MBP: variants seen among roughly 807,000 people sequenced by gnomAD.
The protein encoded by MBP is myelin basic protein.
MBP carries 16 observed loss-of-function variants against 35.8 expected under a neutral mutation model. That is an observed-to-expected ratio of 0.45 (90% CI 0.30 to 0.68). The LOEUF (loss-of-function observed/expected upper bound fraction) is 0.68, where lower values mean the gene tolerates loss of function less well. Among genes scored for constraint, MBP ranks in the 30% least tolerant of loss-of-function variants. MBP has a pLI of 0.08. For synonymous variants in MBP, 143 were observed against 159.6 expected (o/e 0.90, Z 0.78); for missense variants, 380 against 404.7 (o/e 0.94, Z 0.52).
In MBP at chr18:77,121,841, A is replaced by G. The variant is rs1049574628; in HGVS notation, c.-26+10739T>C. 3.3e-5 allele frequency among the ~76,000 whole-genome samples: 5 copies of G among 152,314 alleles called. No individual in the cohort carries two copies. In the East Asian group the frequency reaches 9.6e-4, roughly 29 times the overall value. ...TCTCAAGCTGTCCCAAGGTTATTACATTTTCAGATAGCCGAAAGAACAGGA... is the reference window on the plus strand; with the variant it reads ...TCTCAAGCTGTCCCAAGGTTATTACGTTTTCAGATAGCCGAAAGAACAGGA... On this transcript the variant is annotated intron_variant, in intron 1 of 8. Transcript: ENST00000355994.
chr18:77,013,748 G>A, intron 4 of MBP: 2 of 985,450 alleles, frequency 2.0e-6, no homozygotes, highest in East Asian at 1.1e-4. Flanking sequence ...TACACGGCAC[G>A]GAGAAGTGGG....
intron 3 of MBP, among the ~76,000 whole-genome samples, chr18:77,021,060 A>G (rs1357099189): frequency 6.6e-6 from 1 of 152,190 alleles, no homozygotes; most frequent in African/African-American, 2.4e-5. Context: ...TGTCTGGAAG[A>G]GTGTTGTCTT....
At chr18:76,981,935 T>A (rs1345519740) in intron 8 of MBP, 1 of 152,248 alleles carries the variant, frequency 6.6e-6, no homozygotes, top group Non-Finnish European at 1.5e-5. Flanking sequence ...ACAAAGTGCT[T>A]CTGTGCTGAA....
At chr18:77,123,306 T>C (rs1353176646) in intron 1 of MBP, among the ~76,000 whole-genome samples, 1 of 152,258 alleles carries the variant, frequency 6.6e-6, no homozygotes, top group Non-Finnish European at 1.5e-5. Context: ...CATAAAATGT[T>C]ATTCTCTAAA....
At chr18:76,998,462 G>A (rs937774464) in intron 4 of MBP, among the ~76,000 whole-genome samples, 2 of 152,132 alleles carry the variant, frequency 1.3e-5, no homozygotes, top group African/African-American at 4.8e-5. Flanking sequence ...CTAGTTCTCA[G>A]TCACCTTTGA....
chr18:76,985,472 C>A lies in MBP; in HGVS notation c.751-578G>T, dbSNP rs535051125. On this transcript the variant is annotated intron_variant, in intron 7 of 8. Transcript: ENST00000355994. ...TCCTCGGCCTTAGTAAAATGTCGAG[C>A]CTCGTATCTTTTATAAGGTTTTGAG... 5.3e-5 allele frequency: 63 copies of A among 1,186,638 alleles called. 1 individual carries two copies. In the South Asian group the frequency reaches 7.0e-4, roughly 13 times the overall value. The allele number at this position is 1,186,638 out of a possible 1,614,324, so 73.5% of individuals were successfully genotyped here.
intron 4 of MBP, among the ~76,000 whole-genome samples, chr18:77,009,437 G>A (rs1971198272): frequency 6.6e-6 from 1 of 152,210 alleles, no homozygotes; most frequent in Admixed American, 6.5e-5. Flanking sequence ...TGTCTGCTAG[G>A]CACTAGTTTT....
intron 7 of MBP, chr18:76,986,703 A>C: frequency 2.0e-5 from 20 of 985,524 alleles, no homozygotes; most frequent in Non-Finnish European, 2.4e-5. Context: ...GGCAGAGGGC[A>C]GGTTGCCAGC....
chr18:77,034,051 CAAAAAAAAAAAAAA>C (rs398033591), intron 3 of MBP, among the ~76,000 whole-genome samples: 9 of 70,506 alleles, frequency 1.3e-4, no homozygotes, highest in South Asian at 5.9e-4. Context: ...CCTAATGGGG[CAAAAAAAAAAAAAA>C]AAAAAAAAAA....
At chr18:77,084,874 C>T (rs759434732) in intron 2 of MBP, among the ~76,000 whole-genome samples, 5 of 152,088 alleles carry the variant, frequency 3.3e-5, no homozygotes, top group Non-Finnish European at 5.9e-5. Context: ...ACACAAAATA[C>T]TCTGCCATTT....
At chr18:77,004,089 CG>C (rs1970779152) in intron 4 of MBP, 2 of 152,290 alleles carry the variant, frequency 1.3e-5, no homozygotes, top group Admixed American at 1.3e-4. Flanking sequence ...ACGACACATC[CG>C]ACTGTAAATG....
chr18:77,061,752 T>G (rs892452454), intron 3 of MBP, among the ~76,000 whole-genome samples: 4 of 152,216 alleles, frequency 2.6e-5, no homozygotes. Flanking sequence ...TTTCCTACTG[T>G]CAGCTAACTC....
chr18:77,086,079 T>G (rs979287439), intron 2 of MBP, among the ~76,000 whole-genome samples: 4 of 152,174 alleles, frequency 2.6e-5, no homozygotes, highest in African/African-American at 9.7e-5. Context: ...TTCCCTTACC[T>G]AAAGGAGCAA....
chr18:77,125,048 T>C (rs1163197959), intron 1 of MBP, among the ~76,000 whole-genome samples: 1 of 152,196 alleles, frequency 6.6e-6, no homozygotes, highest in Non-Finnish European at 1.5e-5. Flanking sequence ...TCTTTTTAGA[T>C]CAATTTCTTT....
intron 3 of MBP, among the ~76,000 whole-genome samples, chr18:77,032,495 C>T (rs918833731): frequency 3.3e-5 from 5 of 152,182 alleles, no homozygotes; most frequent in Non-Finnish European, 7.3e-5. Context: ...GAAGAGGCCA[C>T]AGGAGAGGCA....
chr18:77,017,449 CTG>C (rs1163103256), intron 3 of MBP, 181 bp from the exon 4 acceptor site: 6 of 442,238 alleles, frequency 1.4e-5, no homozygotes, highest in African/African-American at 1.0e-4. Flanking sequence ...TATTGCAGCT[CTG>C]TGTTTCAGAA....
At chr18:77,040,112 A>G (rs193296860) in intron 3 of MBP, among the ~76,000 whole-genome samples, 1 of 152,242 alleles carries the variant, frequency 6.6e-6, no homozygotes, top group Non-Finnish European at 1.5e-5. Flanking sequence ...CAAGTGTCTC[A>G]TACTTCTTTA....
chr18:77,096,196 T>C (rs1568337679), intron 2 of MBP, among the ~76,000 whole-genome samples: 1 of 152,216 alleles, frequency 6.6e-6, no homozygotes, highest in Non-Finnish European at 1.5e-5. Context: ...AGGAAAAGCA[T>C]TTTTCCCATC....
chr18:77,001,123 G>A (rs1372318396), intron 4 of MBP, among the ~76,000 whole-genome samples: 1 of 151,864 alleles, frequency 6.6e-6, no homozygotes, highest in Non-Finnish European at 1.5e-5. Context: ...CTGCCCACCC[G>A]GTCCCCACTC....
Sources: gnomAD v4.1 joint callset for allele counts (sites outside exome capture counted in the v4.1 genomes callset) on GRCh38, gnomAD v4.1.1 for gene constraint, MANE v1.5 for transcripts, NCBI Gene and HGNC (gene_info 2026-07-23, HGNC 2026-07-21) for gene names.